The following RIN3 variants were observed in gnomAD, a reference collection of about 807,000 sequenced individuals.
RIN3 encodes the protein RAB5 interacting protein 3.
Under a neutral mutation model 76.3 loss-of-function variants are expected in RIN3, and 54 were observed. That is an observed-to-expected ratio of 0.71 (90% CI 0.57 to 0.89). RIN3 has a LOEUF of 0.89. RIN3 is among the 40% of genes least tolerant of loss of function. The pLI is 0.00. For missense variants in RIN3, 1,256 were observed against 1,322.1 expected (o/e 0.95, Z 0.78); for synonymous variants, 576 against 564.0 (o/e 1.02, Z -0.30).
intron 1 of RIN3, among the ~76,000 whole-genome samples, chr14:92,548,522 G>T (rs1405612062): frequency 1.3e-5 from 2 of 152,136 alleles, no homozygotes; most frequent in Non-Finnish European, 2.9e-5. Flanking sequence ...CAAAACCAAG[G>T]TTTCAGCTGG....
intron 1 of RIN3, among the ~76,000 whole-genome samples, chr14:92,535,334 CTTT>C (rs5810602): frequency 6.9e-5 from 9 of 129,982 alleles, no homozygotes; most frequent in Admixed American, 1.5e-4. Flanking sequence ...TTCTTTCTTT[CTTT>C]TTTTTTTTTT....
intron 3 of RIN3, among the ~76,000 whole-genome samples, chr14:92,594,416 G>A: frequency 7.3e-6 from 1 of 136,174 alleles, no homozygotes; most frequent in East Asian, 2.1e-4. Flanking sequence ...TGGGCAACAA[G>A]AGCGAAACTC....
intron 3 of RIN3, among the ~76,000 whole-genome samples, chr14:92,594,223 G>A (rs1260059017): frequency 6.6e-6 from 1 of 151,954 alleles, no homozygotes; most frequent in African/African-American, 2.4e-5. Flanking sequence ...ACCTGAGGTC[G>A]GGAGTTTGAG....
intron 1 of RIN3, among the ~76,000 whole-genome samples, chr14:92,551,214 C>G (rs1198361898): frequency 6.6e-6 from 1 of 152,142 alleles, no homozygotes; most frequent in African/African-American, 2.4e-5. Flanking sequence ...GCCATATGTA[C>G]TTTTTTGCAT....
chr14:92,631,125 T>C (rs1173291109), intron 4 of RIN3, among the ~76,000 whole-genome samples: 1 of 152,204 alleles, frequency 6.6e-6, no homozygotes, highest in African/African-American at 2.4e-5. Context: ...GTTAGACATG[T>C]GTCCCCAGCA....
chr14:92,675,336 T>C (rs1197290477), intron 7 of RIN3, among the ~76,000 whole-genome samples: 3 of 152,228 alleles, frequency 2.0e-5, no homozygotes, highest in Non-Finnish European at 2.9e-5. Context: ...TCAGGTGTAT[T>C]TCCTGATGGT....
intron 4 of RIN3, among the ~76,000 whole-genome samples, chr14:92,632,527 C>T (rs1886625004): frequency 6.6e-6 from 1 of 152,174 alleles, no homozygotes; most frequent in South Asian, 2.1e-4. Context: ...CAAGCATGTT[C>T]TTATTGCTGT....
At chr14:92,576,199 G>A in intron 2 of RIN3, 3 of 1,246,222 alleles carry the variant, frequency 2.4e-6, no homozygotes, top group Non-Finnish European at 3.1e-6. Context: ...GCCAAGGAGG[G>A]ATGAGCTTGC....
At chr14:92,517,198 G>C (rs7154217) in intron 1 of RIN3, among the ~76,000 whole-genome samples, 17,027 of 152,202 alleles carry the variant, frequency 0.11, 2,586 homozygotes, top group African/African-American at 0.34. Context: ...GGGAGTGCCT[G>C]AGCAAAGGTT....
chr14:92,603,413 T>C (rs1885414378), intron 3 of RIN3, among the ~76,000 whole-genome samples: 2 of 152,178 alleles, frequency 1.3e-5, no homozygotes, highest in African/African-American at 4.8e-5. Context: ...GAGCAGCTGC[T>C]ATCTTGCAGT....
chr14:92,684,914 G>A (rs1888793532), intron 8 of RIN3, 73 bp from the exon 9 acceptor site: 4 of 1,506,758 alleles, frequency 2.7e-6, no homozygotes, highest in African/African-American at 2.7e-5. Context: ...GAGGTGGGTG[G>A]GGCAGGCCAA....
In RIN3 at chr14:92,581,956, T is replaced by A. The variant is rs1254640137; in HGVS notation, c.367+4479T>A. The stretch of plus-strand genomic sequence containing the variant: ...GGCGAAACTGACCCAACAGGATTCT[T>A]GCTGAAGGCAGGCAGGGTGATCAGA... On this transcript the variant is annotated intron_variant, in intron 3 of 9. Transcript: ENST00000216487. 2.0e-5 allele frequency among the ~76,000 whole-genome samples: 3 copies of A among 152,236 alleles called. No homozygotes were observed. The East Asian group carries it at 5.8e-4, about 29-fold the overall frequency.
chr14:92,625,713 T>C (rs1886328040), intron 4 of RIN3, among the ~76,000 whole-genome samples: 1 of 152,234 alleles, frequency 6.6e-6, no homozygotes, highest in Non-Finnish European at 1.5e-5. Context: ...GCTGAGGGTC[T>C]GGGTCCGCTA....
intron 2 of RIN3, chr14:92,576,131 C>T: frequency 2.0e-6 from 2 of 975,658 alleles, no homozygotes; most frequent in Non-Finnish European, 2.7e-6. Flanking sequence ...ATGCCCCCTC[C>T]CCCTTCCTGG....
intron 3 of RIN3, among the ~76,000 whole-genome samples, chr14:92,599,193 A>G (rs1427275123): frequency 6.6e-6 from 1 of 152,164 alleles, no homozygotes; most frequent in African/African-American, 2.4e-5. Flanking sequence ...GAAGGACATT[A>G]AGTGTGGGGG....
intron 1 of RIN3, among the ~76,000 whole-genome samples, chr14:92,545,914 C>CTTTT (rs1566835804): frequency 1.4e-5 from 2 of 146,854 alleles, no homozygotes; most frequent in Non-Finnish European, 3.0e-5. Flanking sequence ...TGATTCTGGC[C>CTTTT]CTTTTCTTTT....
At chr14:92,653,851 C>G (rs1288666649) in intron 6 of RIN3, among the ~76,000 whole-genome samples, 2 of 152,122 alleles carry the variant, frequency 1.3e-5, no homozygotes, top group African/African-American at 4.8e-5. Context: ...AACCCCGTCT[C>G]TACAAAAAAT....
At chr14:92,544,801 T>C (rs547773041) in intron 1 of RIN3, among the ~76,000 whole-genome samples, 3 of 152,170 alleles carry the variant, frequency 2.0e-5, no homozygotes, top group Admixed American at 2.0e-4. Flanking sequence ...TGTTAATTCC[T>C]ATCACTTTGC....
intron 7 of RIN3, among the ~76,000 whole-genome samples, chr14:92,662,024 A>G (rs1228275821): frequency 1.3e-5 from 2 of 152,184 alleles, no homozygotes; most frequent in Non-Finnish European, 2.9e-5. Flanking sequence ...TACATGGGGG[A>G]CAGCGGACAG....
Sources: allele counts gnomAD v4.1 joint callset (sites outside exome capture counted in the v4.1 genomes callset), GRCh38; gene constraint gnomAD v4.1.1; transcripts MANE v1.5; gene names NCBI Gene and HGNC (gene_info 2026-07-23, HGNC 2026-07-21).